The following TYR variants were observed in gnomAD, a reference collection of about 807,000 sequenced individuals.
The protein encoded by TYR is tyrosinase, also known as LB24-AB.
TYR carries 58 observed loss-of-function variants against 51.5 expected under a neutral mutation model. That is an observed-to-expected ratio of 1.13 (90% confidence interval 0.91 to 1.40). The LOEUF is 1.40. TYR is among the 40% of genes most tolerant of loss of function. TYR has a pLI of 0.00. For synonymous variants in TYR, 263 were observed against 235.2 expected, an observed-to-expected ratio of 1.12 and a Z score of -1.08; for missense variants, 732 against 647.4, an observed-to-expected ratio of 1.13 and a Z score of -1.42.
chr11:89,257,421 AT>A (rs1944406754), intron 3 of TYR, among the ~76,000 whole-genome samples: 1 of 152,044 alleles, frequency 6.6e-6, no homozygotes, highest in African/African-American at 2.4e-5. Flanking sequence ...GCCATTTCTG[AT>A]TAATTATTCC....
In TYR at chr11:89,187,600, T is replaced by C. The variant is rs536771660; in HGVS notation, c.820-3602T>C. On this transcript the variant is annotated intron_variant, in intron 1 of 4. Coordinates refer to ENST00000263321, the MANE Select transcript of TYR (RefSeq NM_000372.5). ...TTCATTTAAGATACTTGCTAAGATTTAAGCTTTAAATCATGTAGTCTATAT... is the reference window on the plus strand; with the variant it reads ...TTCATTTAAGATACTTGCTAAGATTCAAGCTTTAAATCATGTAGTCTATAT... Among the ~76,000 whole-genome samples the C allele has an allele frequency of 3.3e-5, 5 of 152,274 alleles. No homozygotes were observed. In the South Asian group the frequency reaches 1.0e-3, roughly 32 times the overall value.
intron 3 of TYR, among the ~76,000 whole-genome samples, chr11:89,282,312 A>G (rs1212164108): frequency 2.0e-5 from 3 of 151,814 alleles, no homozygotes; most frequent in Non-Finnish European, 4.4e-5. Flanking sequence ...AAATCAGTCA[A>G]AATTTGACAG....
chr11:89,197,862 C>A (rs1298710568), intron 2 of TYR, among the ~76,000 whole-genome samples: 1 of 151,872 alleles, frequency 6.6e-6, no homozygotes, highest in Non-Finnish European at 1.5e-5. Flanking sequence ...AATGTAATTT[C>A]TCTTCATATA....
At chr11:89,279,224 C>T (rs1944691943) in intron 3 of TYR, among the ~76,000 whole-genome samples, 1 of 151,670 alleles carries the variant, frequency 6.6e-6, no homozygotes, top group Non-Finnish European at 1.5e-5. Flanking sequence ...ATCATAAAAA[C>T]TAGAACCTTT....
chr11:89,263,618 TAAAC>T (rs1944488451), intron 3 of TYR, among the ~76,000 whole-genome samples: 1 of 152,004 alleles, frequency 6.6e-6, no homozygotes, highest in Non-Finnish European at 1.5e-5. Context: ...AAGCTACAAA[TAAAC>T]AGTTTGAATG....
intron 2 of TYR, among the ~76,000 whole-genome samples, chr11:89,219,852 T>C (rs995387031): frequency 2.0e-5 from 3 of 152,142 alleles, no homozygotes; most frequent in African/African-American, 7.2e-5. Flanking sequence ...GGGCCTTTTC[T>C]ACCCCAAGAG....
At chr11:89,219,494 G>A (rs1052060421) in intron 2 of TYR, among the ~76,000 whole-genome samples, 5 of 151,688 alleles carry the variant, frequency 3.3e-5, no homozygotes, top group African/African-American at 1.2e-4. Flanking sequence ...ACACCATGTT[G>A]GCCAGGCTGG....
intron 3 of TYR, among the ~76,000 whole-genome samples, chr11:89,259,217 G>A (rs929996146): frequency 1.3e-5 from 2 of 152,054 alleles, no homozygotes; most frequent in African/African-American, 4.8e-5. Context: ...GATGACTATA[G>A]CACTCTCCTA....
intron 3 of TYR, among the ~76,000 whole-genome samples, chr11:89,277,238 A>G (rs1181890033): frequency 6.6e-6 from 1 of 151,776 alleles, no homozygotes; most frequent in Non-Finnish European, 1.5e-5. Flanking sequence ...CATGAAAAAA[A>G]TAAATAATAA....
At chr11:89,274,455 A>G (rs1161787939) in intron 3 of TYR, among the ~76,000 whole-genome samples, 2 of 151,904 alleles carry the variant, frequency 1.3e-5, no homozygotes, top group Non-Finnish European at 2.9e-5. Context: ...TCCTATATTA[A>G]GCTGTAGAAC....
intron 2 of TYR, among the ~76,000 whole-genome samples, chr11:89,199,031 A>G (rs1436999045): frequency 6.6e-6 from 1 of 151,864 alleles, no homozygotes; most frequent in Non-Finnish European, 1.5e-5. Flanking sequence ...TGTCCTTGTG[A>G]TAGTTTGCTG....
At position 89,178,107 on chromosome 11, in the gene TYR, AG is replaced by A. The variant is rs1187120562; in HGVS notation, c.155del (p.Arg52LysfsTer68). 1 of 1,614,202 alleles carries A rather than the reference AG, an allele frequency of 6.2e-7. No homozygotes were observed. The highest frequency in any genetic ancestry group is 1.3e-5 in the African/African-American group (1 of 75,064). On this transcript the variant is annotated frameshift_variant, in exon 1 of 5. Transcript: ENST00000263321. LOFTEE classifies it high-confidence loss of function. ...GAGTCCCTGTGGCCAGCTTTCAGGC[AG>A]AGGTTCCTGTCAGAATATCCTTCTG... ...DRSPCGQLSG[R>X]GSCQNILLSN...
chr11:89,221,750 T>G (rs1435628394), intron 2 of TYR, among the ~76,000 whole-genome samples: 1 of 152,256 alleles, frequency 6.6e-6, no homozygotes, highest in Non-Finnish European at 1.5e-5. Flanking sequence ...GTACATTTTC[T>G]ATCTTCTTTT....
intron 3 of TYR, among the ~76,000 whole-genome samples, chr11:89,278,791 T>C (rs542939454): frequency 9.2e-5 from 14 of 151,832 alleles, no homozygotes; most frequent in African/African-American, 3.4e-4. Context: ...GTACCTAATA[T>C]CTTCTTCTGC....
At chr11:89,217,855 T>C (rs1943852294) in intron 2 of TYR, among the ~76,000 whole-genome samples, 2 of 152,226 alleles carry the variant, frequency 1.3e-5, no homozygotes, top group South Asian at 4.1e-4. Flanking sequence ...TTCTACTACA[T>C]GGAAAAAGAT....
intron 1 of TYR, among the ~76,000 whole-genome samples, chr11:89,182,168 G>A (rs1002047030): frequency 8.5e-5 from 13 of 152,078 alleles, no homozygotes; most frequent in African/African-American, 2.7e-4. Context: ...CCTGTCAGTC[G>A]CTCCAAGGTG....
At chr11:89,213,510 G>T (rs891327766) in intron 2 of TYR, among the ~76,000 whole-genome samples, 1 of 152,146 alleles carries the variant, frequency 6.6e-6, no homozygotes, top group Non-Finnish European at 1.5e-5. Context: ...TGGTCATACT[G>T]CCCAAAATAA....
At chr11:89,259,333 C>T (rs1944431038) in intron 3 of TYR, among the ~76,000 whole-genome samples, 1 of 152,014 alleles carries the variant, frequency 6.6e-6, no homozygotes, top group Non-Finnish European at 1.5e-5. Flanking sequence ...TTGGCTAGAA[C>T]ATTAGTATTT....
chr11:89,226,622 G>A (rs1943980882), intron 2 of TYR, among the ~76,000 whole-genome samples: 1 of 152,072 alleles, frequency 6.6e-6, no homozygotes, highest in Admixed American at 6.6e-5. Context: ...TAGTGGGAGA[G>A]CACAAGGCAT....
Sources: gnomAD v4.1 joint callset for allele counts (sites outside exome capture counted in the v4.1 genomes callset) on GRCh38, gnomAD v4.1.1 for gene constraint, MANE v1.5 for transcripts, NCBI Gene and HGNC (gene_info 2026-07-23, HGNC 2026-07-21) for gene names.